Variants in RTL4 observed in about 807,000 individuals in gnomAD.
RTL4 encodes retrotransposon Gag-like protein 4.
RTL4 carries 4 observed loss-of-function variants against 5.3 expected under a neutral mutation model. The observed-to-expected ratio is 0.75, with a 90% CI of 0.37 to 1.72. The LOEUF is 1.72. Among genes scored for constraint, RTL4 ranks in the 40% most tolerant of loss-of-function variants. The pLI is 0.04. For missense variants in RTL4, 260 were observed against 227.1 expected (o/e 1.14, Z -0.93); for synonymous variants, 98 against 87.3 (o/e 1.12, Z -0.68).
chrX:112,327,349 C>T, the RTL4 span, among the ~76,000 whole-genome samples: 3 of 111,809 alleles, frequency 2.7e-5, no homozygotes, highest in East Asian at 2.8e-4. Context: ...TCAAGAACTA[C>T]GTGAAGAATG....
the RTL4 span, among the ~76,000 whole-genome samples, chrX:112,252,399 A>G: frequency 3.6e-5 from 4 of 112,041 alleles, no homozygotes; most frequent in African/African-American, 1.3e-4. Flanking sequence ...GTCTATTTTT[A>G]ACTACTGTAT....
At chrX:112,151,917 G>GT in the RTL4 span, among the ~76,000 whole-genome samples, 5 of 112,295 alleles carry the variant, frequency 4.5e-5, no homozygotes, top group African/African-American at 1.6e-4. Context: ...AGTAGCCCCT[G>GT]TGGGACAACA....
chrX:112,172,865 T>G, the RTL4 span, among the ~76,000 whole-genome samples: 1 of 110,934 alleles, frequency 9.0e-6, no homozygotes, highest in African/African-American at 3.3e-5. Flanking sequence ...GGGACATGGA[T>G]AGAGCTGGAA....
chrX:112,268,784 A>G, the RTL4 span, among the ~76,000 whole-genome samples: 14 of 112,399 alleles, frequency 1.2e-4, no homozygotes, highest in African/African-American at 4.5e-4. Context: ...CCTGCTGGGC[A>G]TCACTGCCTG....
chrX:112,346,134 T>A, the RTL4 span, among the ~76,000 whole-genome samples: 1 of 111,949 alleles, frequency 8.9e-6, no homozygotes, highest in African/African-American at 3.2e-5. Flanking sequence ...TGGGGGTAAC[T>A]TTTTTCTCTG....
chrX:112,138,058 G>A, the RTL4 span, among the ~76,000 whole-genome samples: 5 of 112,186 alleles, frequency 4.5e-5, no homozygotes, highest in Non-Finnish European at 7.5e-5. Flanking sequence ...ATACTATTCA[G>A]CCTTAAAAAA....
the RTL4 span, among the ~76,000 whole-genome samples, chrX:112,240,623 C>T: frequency 0.024 from 2,641 of 111,623 alleles, 78 homozygotes; most frequent in African/African-American, 0.082. Context: ...GCACATATTG[C>T]TTTTGTGCCA....
chrX:112,272,831 C>G, the RTL4 span, among the ~76,000 whole-genome samples: 1 of 110,990 alleles, frequency 9.0e-6, no homozygotes, highest in Non-Finnish European at 1.9e-5. Context: ...TGGTGACATT[C>G]TCCCTGGCCT....
the RTL4 span, among the ~76,000 whole-genome samples, chrX:112,110,724 A>T: frequency 8.9e-6 from 1 of 112,192 alleles, no homozygotes; most frequent in East Asian, 2.8e-4. Flanking sequence ...GAGTGCTAAC[A>T]GCTCTCACGT....
chrX:112,089,110 C>CT, the RTL4 span, among the ~76,000 whole-genome samples: 1 of 109,666 alleles, frequency 9.1e-6, no homozygotes, highest in African/African-American at 3.3e-5. Context: ...TTTTATTTTT[C>CT]TTTTTTTATT....
At chrX:112,236,428 GATATAGATCTATATCT>G in the RTL4 span, among the ~76,000 whole-genome samples, 1 of 75,508 alleles carries the variant, frequency 1.3e-5, no homozygotes, top group East Asian at 4.4e-4. Context: ...TCTATATATA[GATATAGATCTATATCT>G]ATATATAGAT....
the RTL4 span, among the ~76,000 whole-genome samples, chrX:112,245,564 C>T: frequency 1.8e-5 from 2 of 111,824 alleles, no homozygotes; most frequent in African/African-American, 6.5e-5. Context: ...TTAAGGTCTT[C>T]TCTACACTGT....
At chrX:112,325,454 T>C in the RTL4 span, among the ~76,000 whole-genome samples, 13 of 111,580 alleles carry the variant, frequency 1.2e-4, no homozygotes, top group Non-Finnish European at 2.3e-4. Flanking sequence ...AAAACATTGA[T>C]ATAGACCAAT....
the RTL4 span, among the ~76,000 whole-genome samples, chrX:112,309,558 G>A: frequency 6.7e-3 from 724 of 108,287 alleles, 5 homozygotes; most frequent in African/African-American, 0.023. Flanking sequence ...GCACGATCTC[G>A]GGTCTGTGCA....
At chrX:112,260,554 G>A in the RTL4 span, among the ~76,000 whole-genome samples, 1 of 111,386 alleles carries the variant, frequency 9.0e-6, no homozygotes, top group Non-Finnish European at 1.9e-5. Context: ...TTTGCTAAAG[G>A]CAATTTTCTT....
the RTL4 span, among the ~76,000 whole-genome samples, chrX:112,084,846 GCTT>G: frequency 8.9e-6 from 1 of 111,754 alleles, no homozygotes; most frequent in African/African-American, 3.3e-5. Context: ...GACTGTGTGT[GCTT>G]CTGAAATTTG....
chrX:112,203,196 C>T, the RTL4 span, among the ~76,000 whole-genome samples: 3 of 110,676 alleles, frequency 2.7e-5, no homozygotes, highest in Non-Finnish European at 5.7e-5. Flanking sequence ...TTTCTCTCCA[C>T]CTGTAATTTG....
the RTL4 span, among the ~76,000 whole-genome samples, chrX:112,198,254 ATC>A: frequency 0.028 from 3,077 of 111,154 alleles, 109 homozygotes; most frequent in African/African-American, 0.096. Context: ...CTGGTTTATT[ATC>A]TCTCTCTCTC....
chrX:112,403,260 C>T, the RTL4 span, among the ~76,000 whole-genome samples: 3 of 112,106 alleles, frequency 2.7e-5, no homozygotes, highest in African/African-American at 9.7e-5. Context: ...CTATAATCCA[C>T]AAAGCTGTTT....
Sources: gnomAD v4.1 joint callset for allele counts (sites outside exome capture counted in the v4.1 genomes callset) on GRCh38, gnomAD v4.1.1 for gene constraint, MANE v1.5 for transcripts, NCBI Gene and HGNC (gene_info 2026-07-23, HGNC 2026-07-21) for gene names.